The following KALRN variants were observed in gnomAD, a reference collection of about 807,000 sequenced individuals.
KALRN encodes the protein kalirin.
Under a neutral mutation model 353.7 loss-of-function variants are expected in KALRN, and 70 were observed. The ratio of observed to expected loss-of-function variants is 0.20; its 90% confidence interval spans 0.16 to 0.24. The LOEUF (loss-of-function observed/expected upper bound fraction) is 0.24, where lower values mean the gene tolerates loss of function less well. KALRN is among the 10% of genes least tolerant of loss of function. The pLI is 1.00. For synonymous variants in KALRN, 1,391 were observed against 1,434.8 expected, an observed-to-expected ratio of 0.97 and a Z score of 0.69; for missense variants, 2,791 against 3,756.7, an observed-to-expected ratio of 0.74 and a Z score of 6.72.
At chr3:124,459,670 A>G (rs913559023) in intron 23 of KALRN, among the ~76,000 whole-genome samples, 1 of 152,238 alleles carries the variant, frequency 6.6e-6, no homozygotes, top group Admixed American at 6.5e-5. Flanking sequence ...TGCTGGAGTT[A>G]CAAAGTAACA....
intron 9 of KALRN, among the ~76,000 whole-genome samples, chr3:124,339,298 C>G (rs866857692): frequency 6.6e-6 from 1 of 151,850 alleles, no homozygotes; most frequent in Non-Finnish European, 1.5e-5. Flanking sequence ...GGTCTCTGGA[C>G]CCTCAGCTGG....
At chr3:124,238,196 A>T (rs996948994) in intron 3 of KALRN, among the ~76,000 whole-genome samples, 1 of 152,158 alleles carries the variant, frequency 6.6e-6, no homozygotes, top group Non-Finnish European at 1.5e-5. Context: ...TCCACAGTTG[A>T]AGGAATGAGG....
intron 53 of KALRN, 34 bp downstream of exon 53, chr3:124,694,537 C>A: frequency 6.3e-7 from 1 of 1,598,222 alleles, no homozygotes; most frequent in Non-Finnish European, 8.5e-7. Flanking sequence ...GCAACAGCAG[C>A]CCCTTGCTTG....
intron 6 of KALRN, among the ~76,000 whole-genome samples, chr3:124,311,794 T>C (rs1390320048): frequency 6.6e-6 from 1 of 152,258 alleles, no homozygotes; most frequent in Non-Finnish European, 1.5e-5. Flanking sequence ...TATCTTCATA[T>C]AATGGACTTA....
intron 33 of KALRN, among the ~76,000 whole-genome samples, chr3:124,537,289 G>A (rs994743786): frequency 6.6e-6 from 1 of 152,148 alleles, no homozygotes; most frequent in African/African-American, 2.4e-5. Flanking sequence ...TGATCCTCCT[G>A]CCTTGGCCTC....
intron 34 of KALRN, among the ~76,000 whole-genome samples, chr3:124,608,883 G>A (rs749041189): frequency 1.3e-5 from 2 of 152,170 alleles, no homozygotes; most frequent in Non-Finnish European, 2.9e-5. Flanking sequence ...GAAATCATAC[G>A]TGGGGTTCTT....
At chr3:124,511,892 A>G (rs1421955480) in intron 33 of KALRN, among the ~76,000 whole-genome samples, 1 of 152,130 alleles carries the variant, frequency 6.6e-6, no homozygotes, top group Non-Finnish European at 1.5e-5. Flanking sequence ...GCATTTTGTG[A>G]GACTGTATCT....
chr3:124,568,105 G>C (rs1169147341), intron 34 of KALRN, among the ~76,000 whole-genome samples: 1 of 152,162 alleles, frequency 6.6e-6, no homozygotes, highest in Non-Finnish European at 1.5e-5. Context: ...GTATTAGAAA[G>C]GTTGAGGGTT....
chr3:124,525,148 G>T (rs2067479410), intron 33 of KALRN, among the ~76,000 whole-genome samples: 1 of 152,184 alleles, frequency 6.6e-6, no homozygotes, highest in Non-Finnish European at 1.5e-5. Context: ...ACCATCAAAG[G>T]TGCCAGTGGC....
chr3:124,094,774 G>T, intron 1 of KALRN: 1 of 1,409,760 alleles, frequency 7.1e-7, no homozygotes, highest in Non-Finnish European at 1.0e-6. Flanking sequence ...GCCTCCTCGA[G>T]TCAGCGGTGG....
intron 1 of KALRN, among the ~76,000 whole-genome samples, chr3:124,159,627 T>C (rs1475658797): frequency 1.3e-5 from 2 of 151,872 alleles, no homozygotes; most frequent in East Asian, 3.9e-4. Flanking sequence ...ACTGGTTACA[T>C]TTTGCCTTCT....
At chr3:124,256,818 C>T (rs1310433339) in intron 3 of KALRN, among the ~76,000 whole-genome samples, 2 of 152,110 alleles carry the variant, frequency 1.3e-5, no homozygotes, top group African/African-American at 2.4e-5. Context: ...GTCAGGTGTA[C>T]GACAAGAAGC....
intron 9 of KALRN, among the ~76,000 whole-genome samples, chr3:124,339,651 C>T (rs528685454): frequency 6.6e-6 from 1 of 152,250 alleles, no homozygotes; most frequent in East Asian, 1.9e-4. Flanking sequence ...CCTGAGTGCT[C>T]TTCACACTGT....
At chr3:124,198,927 G>C (rs997898267) in intron 1 of KALRN, among the ~76,000 whole-genome samples, 1 of 152,210 alleles carries the variant, frequency 6.6e-6, no homozygotes, top group African/African-American at 2.4e-5. Context: ...CCAGAATCTG[G>C]AAGTACCAGG....
intron 33 of KALRN, among the ~76,000 whole-genome samples, chr3:124,554,597 G>A (rs2070972549): frequency 6.6e-6 from 1 of 152,078 alleles, no homozygotes; most frequent in South Asian, 2.1e-4. Context: ...ATTTTATAGT[G>A]TTACTGATGT....
intron 5 of KALRN, among the ~76,000 whole-genome samples, chr3:124,287,169 A>T (rs2075988786): frequency 6.6e-6 from 1 of 152,008 alleles, no homozygotes; most frequent in African/African-American, 2.4e-5. Flanking sequence ...AAGCCTCTCT[A>T]CTCTGTTTGA....
chr3:124,384,774 G>C, intron 10 of KALRN, 71 bp from the exon 11 acceptor site: 2 of 1,440,202 alleles, frequency 1.4e-6, no homozygotes, highest in Non-Finnish European at 1.9e-6. Flanking sequence ...CTTCAGCTCC[G>C]GGGAGCCCCA....
At chr3:124,234,975 C>A in intron 3 of KALRN, 32 bp downstream of exon 3, 1 of 1,509,162 alleles carries the variant, frequency 6.6e-7, no homozygotes, top group Non-Finnish European at 9.1e-7. Context: ...TGCAGGGGAG[C>A]GGGAGGGGAG....
chr3:124,123,696 C>T (rs941342043), intron 1 of KALRN, among the ~76,000 whole-genome samples: 1 of 152,206 alleles, frequency 6.6e-6, no homozygotes. Context: ...AAGTCACTGT[C>T]TGGCTTGAAA....
Sources: allele counts gnomAD v4.1 joint callset (sites outside exome capture counted in the v4.1 genomes callset), GRCh38; gene constraint gnomAD v4.1.1; transcripts MANE v1.5; gene names NCBI Gene and HGNC (gene_info 2026-07-23, HGNC 2026-07-21).